GABBR2: variants seen among roughly 807,000 people sequenced by gnomAD.
GABBR2 encodes G-protein coupled receptor 51.
Under a neutral mutation model 105.6 loss-of-function variants are expected in GABBR2, and 23 were observed. That is an observed-to-expected ratio of 0.22 (90% CI 0.16 to 0.31). The LOEUF (loss-of-function observed/expected upper bound fraction) is 0.31. Ranked by LOEUF, GABBR2 falls within the 10% of genes least tolerant of loss-of-function variation. The pLI is 1.00. For missense variants in GABBR2, 734 were observed against 1,245.5 expected (o/e 0.59, Z 6.18); for synonymous variants, 478 against 499.7 (o/e 0.96, Z 0.58).
At chr9:98,657,152 G>T (rs897190081) in intron 1 of GABBR2, among the ~76,000 whole-genome samples, 9 of 152,216 alleles carry the variant, frequency 5.9e-5, no homozygotes, top group African/African-American at 2.2e-4. Flanking sequence ...CCCCTGCAGA[G>T]GGGGAGGGCT....
intron 1 of GABBR2, among the ~76,000 whole-genome samples, chr9:98,686,311 G>A (rs930882428): frequency 3.9e-5 from 6 of 152,044 alleles, no homozygotes; most frequent in East Asian, 3.9e-4. Flanking sequence ...ACTGGTCCAC[G>A]CTGTATTTGG....
intron 1 of GABBR2, among the ~76,000 whole-genome samples, chr9:98,637,331 G>A (rs959555698): frequency 1.3e-5 from 2 of 152,134 alleles, no homozygotes; most frequent in African/African-American, 4.8e-5. Flanking sequence ...TTGTGTTCCT[G>A]CCCTCCTGTT....
intron 1 of GABBR2, among the ~76,000 whole-genome samples, chr9:98,701,903 T>G (rs180900008): frequency 6.6e-6 from 1 of 152,238 alleles, no homozygotes; most frequent in Non-Finnish European, 1.5e-5. Context: ...GTCAGCACAA[T>G]GATCCCCAGA....
chr9:98,337,230 G>A (rs963898650), intron 13 of GABBR2, among the ~76,000 whole-genome samples: 10 of 152,118 alleles, frequency 6.6e-5, no homozygotes, highest in African/African-American at 1.4e-4. Context: ...GCTTGAACCC[G>A]GGAGGCGGAG....
intron 9 of GABBR2, among the ~76,000 whole-genome samples, chr9:98,390,359 G>C (rs1041943515): frequency 9.8e-6 from 1 of 102,070 alleles, no homozygotes; most frequent in Non-Finnish European, 1.7e-5. Context: ...GGGTGACAGA[G>C]CAAGACTCCA....
chr9:98,393,157 C>CCCAT (rs148679963), intron 9 of GABBR2, among the ~76,000 whole-genome samples: 7 of 115,376 alleles, frequency 6.1e-5, no homozygotes, highest in African/African-American at 1.4e-4. Context: ...CATCCACCAA[C>CCCAT]CCATCCATCC....
intron 2 of GABBR2, among the ~76,000 whole-genome samples, chr9:98,543,797 G>A (rs1378986416): frequency 6.6e-6 from 1 of 151,946 alleles, no homozygotes; most frequent in Non-Finnish European, 1.5e-5. Context: ...AGCCCTTTAT[G>A]ATATAAGTTG....
chr9:98,633,589 A>T (rs1276942013), intron 1 of GABBR2, among the ~76,000 whole-genome samples: 1 of 144,052 alleles, frequency 6.9e-6, no homozygotes, highest in African/African-American at 2.6e-5. Context: ...TCACCATTGC[A>T]CTCCAGCCTG....
chr9:98,378,075 G>GCAA (rs1191319269), intron 11 of GABBR2, among the ~76,000 whole-genome samples: 2 of 152,166 alleles, frequency 1.3e-5, no homozygotes, highest in Non-Finnish European at 2.9e-5. Context: ...AAAACCCCAT[G>GCAA]CAACAACAAC....
At chr9:98,460,957 T>C (rs991740132) in intron 6 of GABBR2, among the ~76,000 whole-genome samples, 1 of 152,104 alleles carries the variant, frequency 6.6e-6, no homozygotes, top group Non-Finnish European at 1.5e-5. Flanking sequence ...GCAGACTCAA[T>C]AGAAACAATG....
intron 7 of GABBR2, among the ~76,000 whole-genome samples, chr9:98,418,123 T>C (rs1350625788): frequency 6.6e-6 from 1 of 152,074 alleles, no homozygotes; most frequent in East Asian, 1.9e-4. Context: ...CAACGAGCTC[T>C]TTCCCTTTTG....
chr9:98,500,714 C>T (rs1827381148), intron 3 of GABBR2, among the ~76,000 whole-genome samples: 2 of 152,218 alleles, frequency 1.3e-5, no homozygotes, highest in South Asian at 4.1e-4. Context: ...GTTGACTTGA[C>T]ACCTCCTCCC....
intron 1 of GABBR2, among the ~76,000 whole-genome samples, chr9:98,581,612 C>T (rs1299076341): frequency 6.6e-6 from 1 of 152,030 alleles, no homozygotes; most frequent in African/African-American, 2.4e-5. Flanking sequence ...CAACACTTCT[C>T]ACCCCCAACA....
At chr9:98,382,301 T>C (rs2131482187) in intron 11 of GABBR2, among the ~76,000 whole-genome samples, 1 of 152,006 alleles carries the variant, frequency 6.6e-6, no homozygotes, top group Middle Eastern at 3.4e-3. Flanking sequence ...AAACTGGAGT[T>C]GCCAAACTTG....
intron 6 of GABBR2, among the ~76,000 whole-genome samples, chr9:98,457,723 C>T (rs1290035176): frequency 1.3e-5 from 2 of 152,152 alleles, no homozygotes; most frequent in Non-Finnish European, 2.9e-5. Flanking sequence ...TTAAAGAAGT[C>T]GTTGCTGCCA....
chr9:98,628,462 G>C (rs955434702), intron 1 of GABBR2, among the ~76,000 whole-genome samples: 1 of 152,166 alleles, frequency 6.6e-6, no homozygotes, highest in African/African-American at 2.4e-5. Context: ...GATTTTGTCA[G>C]CTCCGGGGCA....
At chr9:98,685,297 C>T (rs1830606578) in intron 1 of GABBR2, among the ~76,000 whole-genome samples, 1 of 152,260 alleles carries the variant, frequency 6.6e-6, no homozygotes, top group Admixed American at 6.5e-5. Context: ...CTGAAAGCTG[C>T]ACTGTTGGTT....
chr9:98,339,921 C>T (rs544355829), intron 13 of GABBR2, among the ~76,000 whole-genome samples: 7 of 152,216 alleles, frequency 4.6e-5, no homozygotes, highest in African/African-American at 1.4e-4. Context: ...TCTGGGCACA[C>T]GGTAGGATTG....
At chr9:98,630,074 C>A (rs1214536609) in intron 1 of GABBR2, among the ~76,000 whole-genome samples, 1 of 152,140 alleles carries the variant, frequency 6.6e-6, no homozygotes, top group African/African-American at 2.4e-5. Context: ...CCCACCCTAC[C>A]TATGGGCTTC....
Sources: allele counts gnomAD v4.1 joint callset (sites outside exome capture counted in the v4.1 genomes callset), GRCh38; gene constraint gnomAD v4.1.1; transcripts MANE v1.5; gene names NCBI Gene and HGNC (gene_info 2026-07-23, HGNC 2026-07-21).